TSPAN18: variants seen among roughly 807,000 people sequenced by gnomAD.
The protein encoded by TSPAN18 is tetraspanin 18.
A neutral mutation model predicts 27.3 loss-of-function variants in TSPAN18; 14 were observed. That is an observed-to-expected ratio of 0.51 (90% confidence interval 0.34 to 0.80). TSPAN18 has a LOEUF of 0.80. Among genes scored for constraint, TSPAN18 ranks in the 30% least tolerant of loss-of-function variants. The pLI, the probability that TSPAN18 is intolerant of heterozygous loss-of-function variation, is 0.01. For missense variants in TSPAN18, 268 were observed against 323.9 expected, an observed-to-expected ratio of 0.83 and a Z score of 1.32; for synonymous variants, 143 against 136.5, an observed-to-expected ratio of 1.05 and a Z score of -0.33.
chr11:44,838,720 A>G (rs1857311762), intron 2 of TSPAN18, among the ~76,000 whole-genome samples: 1 of 152,212 alleles, frequency 6.6e-6, no homozygotes, highest in Non-Finnish European at 1.5e-5. Context: ...TCTAGAATCT[A>G]GAAAAGGCAA....
intron 5 of TSPAN18, among the ~76,000 whole-genome samples, chr11:44,914,210 C>T (rs1227921745): frequency 6.6e-6 from 1 of 152,198 alleles, no homozygotes; most frequent in African/African-American, 2.4e-5. Context: ...TAGCACAGTG[C>T]CTGGCACAGA....
At chr11:44,861,394 G>A in intron 3 of TSPAN18, among the ~76,000 whole-genome samples, 1 of 148,942 alleles carries the variant, frequency 6.7e-6, no homozygotes, top group African/African-American at 2.5e-5. Context: ...TGCGGGGGTT[G>A]GTGGGGTGCG....
At chr11:44,902,337 T>G (rs1859293067) in intron 3 of TSPAN18, among the ~76,000 whole-genome samples, 1 of 152,238 alleles carries the variant, frequency 6.6e-6, no homozygotes, top group African/African-American at 2.4e-5. Context: ...CAGTTGTGTC[T>G]GACTTCAGAG....
intron 1 of TSPAN18, among the ~76,000 whole-genome samples, chr11:44,743,894 A>T (rs535442584): frequency 6.6e-6 from 1 of 152,354 alleles, no homozygotes. Context: ...TTTGGGGTAC[A>T]TTTTGCTGAA....
chr11:44,794,578 G>T (rs1856303687), intron 2 of TSPAN18, among the ~76,000 whole-genome samples: 1 of 151,956 alleles, frequency 6.6e-6, no homozygotes, highest in Non-Finnish European at 1.5e-5. Flanking sequence ...TGAGGCATGG[G>T]AATCATTTGA....
At chr11:44,801,178 A>T (rs946452608) in intron 2 of TSPAN18, among the ~76,000 whole-genome samples, 2 of 152,158 alleles carry the variant, frequency 1.3e-5, no homozygotes, top group Non-Finnish European at 2.9e-5. Flanking sequence ...GGGCTGAGCA[A>T]TTGGTACATA....
intron 3 of TSPAN18, among the ~76,000 whole-genome samples, chr11:44,873,827 G>C (rs1381265472): frequency 6.6e-6 from 1 of 152,226 alleles, no homozygotes; most frequent in Non-Finnish European, 1.5e-5. Context: ...ATGGGGCAGA[G>C]CCCAGAGGGA....
intron 2 of TSPAN18, among the ~76,000 whole-genome samples, chr11:44,851,480 G>A (rs1057346182): frequency 6.6e-6 from 1 of 152,128 alleles, no homozygotes. Context: ...CTGGAGAGTG[G>A]ACTTCAGAGT....
chr11:44,792,074 T>C (rs1011737097), intron 2 of TSPAN18, among the ~76,000 whole-genome samples: 1 of 152,220 alleles, frequency 6.6e-6, no homozygotes, highest in Admixed American at 6.5e-5. Flanking sequence ...TCAATGTCAA[T>C]TTATTTATAG....
chr11:44,909,878 G>T lies in TSPAN18; in HGVS notation c.237G>T (p.Glu79Asp). The T allele has an allele frequency of 1.2e-6, 2 of 1,613,342 alleles. No individual in the cohort carries two copies. Among genetic ancestry groups the T allele is most frequent in the Non-Finnish European group, 1.7e-6 (2 of 1,179,618 alleles). Reference sequence around the variant, plus strand: ...TGGGCTGCTGCGGGGCCGTCCGTGAGAACAAGTGTCTGCTGCTATTTGTGA... The same window carrying T: ...TGGGCTGCTGCGGGGCCGTCCGTGATAACAAGTGTCTGCTGCTATTTGTGA... ...GFLGCCGAVR[E>D]NKCLLLFFFL... The change falls in exon 5 of 10, where the codon GAG becomes GAT. Residue 79 changes from glutamate (E) to aspartate (D), a missense_variant. By Grantham distance (45) the Glu-to-Asp change is conservative. Coordinates refer to ENST00000520358, the MANE Select transcript of TSPAN18 (RefSeq NM_130783.5).
intron 2 of TSPAN18, among the ~76,000 whole-genome samples, chr11:44,808,994 T>C (rs960179377): frequency 1.3e-5 from 2 of 152,194 alleles, no homozygotes; most frequent in African/African-American, 4.8e-5. Context: ...ACTGATTCTA[T>C]AGCAACTACC....
chr11:44,813,949 G>T (rs577181201), intron 2 of TSPAN18, among the ~76,000 whole-genome samples: 3 of 152,336 alleles, frequency 2.0e-5, no homozygotes, highest in African/African-American at 7.2e-5. Flanking sequence ...GAGATCCTGG[G>T]AATGGGGCCT....
chr11:44,738,763 G>C (rs897674024), intron 1 of TSPAN18, among the ~76,000 whole-genome samples: 1 of 152,186 alleles, frequency 6.6e-6, no homozygotes, highest in African/African-American at 2.4e-5. Context: ...ATTCCAAAGT[G>C]CTAGGGGTTA....
intron 2 of TSPAN18, among the ~76,000 whole-genome samples, chr11:44,839,459 C>T (rs1857325743): frequency 6.6e-6 from 1 of 152,208 alleles, no homozygotes; most frequent in Non-Finnish European, 1.5e-5. Flanking sequence ...GCATTCATCA[C>T]TTTCCTTCCC....
intron 2 of TSPAN18, among the ~76,000 whole-genome samples, chr11:44,787,361 G>A (rs1441525728): frequency 6.6e-6 from 1 of 152,222 alleles, no homozygotes; most frequent in East Asian, 1.9e-4. Flanking sequence ...GTCACCTTAT[G>A]TGGATTCCAG....
intron 2 of TSPAN18, among the ~76,000 whole-genome samples, chr11:44,777,718 T>C (rs1855846046): frequency 6.6e-6 from 1 of 152,218 alleles, no homozygotes; most frequent in African/African-American, 2.4e-5. Flanking sequence ...TAGATCACAC[T>C]GTGGTTCCCT....
chr11:44,908,406 A>G (rs1195267304), intron 4 of TSPAN18, among the ~76,000 whole-genome samples: 4 of 152,060 alleles, frequency 2.6e-5, no homozygotes, highest in Admixed American at 1.3e-4. Flanking sequence ...TCTTCCCACA[A>G]CAGATCTGCT....
At chr11:44,819,921 G>A (rs1287136347) in intron 2 of TSPAN18, among the ~76,000 whole-genome samples, 1 of 152,086 alleles carries the variant, frequency 6.6e-6, no homozygotes, top group African/African-American at 2.4e-5. Flanking sequence ...TCTGGCAAGG[G>A]GAAAGGGAGT....
intron 4 of TSPAN18, among the ~76,000 whole-genome samples, chr11:44,908,321 CCT>C (rs1448766178): frequency 1.3e-5 from 2 of 152,126 alleles, no homozygotes; most frequent in African/African-American, 4.8e-5. Flanking sequence ...GCCTCTTGGG[CCT>C]CCGGTCCTCC....
Sources: gnomAD v4.1 joint callset for allele counts (sites outside exome capture counted in the v4.1 genomes callset) on GRCh38, gnomAD v4.1.1 for gene constraint, MANE v1.5 for transcripts, NCBI Gene and HGNC (gene_info 2026-07-23, HGNC 2026-07-21) for gene names.